Variants in LASP1 observed in about 807,000 individuals in gnomAD.
LASP1 encodes LIM and SH3 protein 1, also known as LIM and SH3 domain protein 1.
A neutral mutation model predicts 38.6 loss-of-function variants in LASP1; 10 were observed. That is an observed-to-expected ratio of 0.26 (90% confidence interval 0.16 to 0.44). The LOEUF (loss-of-function observed/expected upper bound fraction) is 0.44. Ranked by LOEUF, LASP1 falls within the 20% of genes least tolerant of loss-of-function variation. The pLI is 1.00. For missense variants in LASP1, 243 were observed against 375.7 expected, an observed-to-expected ratio of 0.65 and a Z score of 2.92; for synonymous variants, 132 against 140.8, an observed-to-expected ratio of 0.94 and a Z score of 0.44.
intron 3 of LASP1, among the ~76,000 whole-genome samples, chr17:38,895,608 G>C (rs932950305): frequency 1.3e-5 from 2 of 152,132 alleles, no homozygotes; most frequent in Non-Finnish European, 2.9e-5. Flanking sequence ...GAGCCACCGT[G>C]CCTGGCATAA....
Position 38,919,678 on chromosome 17 carries a change from G to C in LASP1, c.*900G>C, listed in dbSNP as rs1212376869. ...GGTCTTCAGCCTCCCTCAGCCCCCA[G>C]GATCTGGGTTAGGTGGCCGCTCCTC... On this transcript the variant is annotated 3_prime_UTR_variant, in exon 7 of 7. Coordinates refer to ENST00000318008, the MANE Select transcript of LASP1 (RefSeq NM_006148.4). 1.2e-5 allele frequency: 4 copies of C among 342,510 alleles called. No individual in the cohort carries two copies. Among genetic ancestry groups the C allele is most frequent in the African/African-American group, 2.0e-5 (1 of 49,626 alleles). The allele number at this position is 342,510 out of a possible 1,614,324, so 21.2% of individuals were successfully genotyped here. A position where few individuals can be genotyped will look rare whatever the true frequency, so the allele number is the denominator to read the frequency against.
intron 4 of LASP1, among the ~76,000 whole-genome samples, chr17:38,902,583 G>C (rs149724434): frequency 4.6e-4 from 70 of 152,206 alleles, no homozygotes; most frequent in Middle Eastern, 3.4e-3. Context: ...AGGGTGTTTA[G>C]AGCCACACCT....
chr17:38,918,829 T>C lies in LASP1; in HGVS notation c.*51T>C. 1 of 1,591,874 alleles carries C rather than the reference T, an allele frequency of 6.3e-7. No individual in the cohort carries two copies. The highest frequency in any genetic ancestry group is 8.6e-7 in the Non-Finnish European group (1 of 1,165,324). On this transcript the variant is annotated 3_prime_UTR_variant, in exon 7 of 7. Transcript: ENST00000318008. The surrounding 1 kb of genome is among the most constrained non-coding windows in gnomAD (Gnocchi z 4.4). ...AGCACATTCCACGGCATCGCATCCG[T>C]CCTGGGCGTGACCCGTCCATTCTTC...
At chr17:38,899,376 G>C (rs1417150860) in intron 4 of LASP1, among the ~76,000 whole-genome samples, 1 of 152,178 alleles carries the variant, frequency 6.6e-6, no homozygotes, top group Non-Finnish European at 1.5e-5. Context: ...GTTGCTCTGG[G>C]CTGAGGAACT....
At chr17:38,891,756 C>T (rs541392291) in intron 3 of LASP1, among the ~76,000 whole-genome samples, 2 of 152,332 alleles carry the variant, frequency 1.3e-5, no homozygotes, top group East Asian at 3.9e-4. Context: ...GAAACAGTCT[C>T]TACCTTAATA....
intron 1 of LASP1, among the ~76,000 whole-genome samples, chr17:38,872,223 C>G (rs1002509465): frequency 1.3e-5 from 2 of 152,172 alleles, no homozygotes; most frequent in Non-Finnish European, 2.9e-5. Context: ...ACTAAAGTCC[C>G]TGAGTGCTAA....
At chr17:38,900,713 A>G (rs372469774) in intron 4 of LASP1, among the ~76,000 whole-genome samples, 99 of 152,236 alleles carry the variant, frequency 6.5e-4, no homozygotes, top group African/African-American at 2.1e-3. Flanking sequence ...CTTACTGTGA[A>G]TGGGTTTTGC....
At chr17:38,874,976 G>T (rs544388855) in intron 1 of LASP1, among the ~76,000 whole-genome samples, 53 of 152,108 alleles carry the variant, frequency 3.5e-4, no homozygotes, top group Non-Finnish European at 6.5e-4. Context: ...TGGAGTAGGG[G>T]TCTCTCTCCC....
At position 38,920,419 on chromosome 17, in the gene LASP1, C is replaced by T. The variant is rs1339072651; in HGVS notation, c.*1641C>T. On this transcript the variant is annotated 3_prime_UTR_variant, in exon 7 of 7. Transcript: ENST00000318008. ...GACGGTGCTATATCCAGTTCCTGCT[C>T]TCTGCTCATGGGTGGCTGTGACAAC... 2 of 299,218 alleles carry T rather than the reference C, an allele frequency of 6.7e-6. No homozygotes were observed. Among genetic ancestry groups the T allele is most frequent in the African/African-American group, 4.1e-5 (2 of 48,636 alleles). 18.5% of individuals were successfully genotyped at this position (299,218 alleles called of 1,614,324 possible).
At chr17:38,914,677 GAC>G (rs10599326) in intron 5 of LASP1, among the ~76,000 whole-genome samples, 25,816 of 146,548 alleles carry the variant, frequency 0.18, 2,546 homozygotes, top group East Asian at 0.24. Flanking sequence ...GCGAGAGACA[GAC>G]ACACACACAC....
intron 4 of LASP1, 112 bp from the exon 5 acceptor site, chr17:38,914,213 C>A: frequency 7.7e-7 from 1 of 1,295,578 alleles, no homozygotes; most frequent in Non-Finnish European, 1.1e-6. Context: ...ACCTGGCTTT[C>A]TGTACCCAAA....
At chr17:38,870,657 G>A (rs1241435464) in intron 1 of LASP1, among the ~76,000 whole-genome samples, 1 of 151,968 alleles carries the variant, frequency 6.6e-6, no homozygotes, top group East Asian at 1.9e-4. Context: ...AGGCGGAAGC[G>A]CGGGGCGCTG....
In LASP1 at chr17:38,915,488, C is replaced by CCACATCCTTCAGCTCTCAGGCTGCCCCT. The variant is rs1915096164; in HGVS notation, c.612+343_612+370dup. The CCACATCCTTCAGCTCTCAGGCTGCCCCT allele has an allele frequency of 2.1e-5, 4 of 189,952 alleles. No individual in the cohort carries two copies. In the Admixed American group the frequency reaches 2.3e-4, roughly 11 times the overall value. The allele number at this position is 189,952 out of a possible 1,614,324, so 11.8% of individuals were successfully genotyped here. ...TCTCCTCGCTTCATGAGGATGGCCC[C>CCACATCCTTCAGCTCTCAGGCTGCCCCT]CACATCCTTCAGCTCTCAGGCTGCC... On this transcript the variant is annotated intron_variant, in intron 6 of 6. Coordinates refer to ENST00000318008, the MANE Select transcript of LASP1 (RefSeq NM_006148.4).
chr17:38,871,729 G>T (rs1033093692), intron 1 of LASP1, among the ~76,000 whole-genome samples: 1 of 152,070 alleles, frequency 6.6e-6, no homozygotes, highest in Non-Finnish European at 1.5e-5. Flanking sequence ...GGGGAGTGTG[G>T]GCATATGGGG....
At chr17:38,877,059 C>T (rs902362855) in intron 1 of LASP1, among the ~76,000 whole-genome samples, 1 of 152,188 alleles carries the variant, frequency 6.6e-6, no homozygotes, top group Non-Finnish European at 1.5e-5. Flanking sequence ...ACAGTGAAGC[C>T]CCTCTGCACC....
In LASP1 at chr17:38,898,827, G is replaced by A. The variant is rs146656928; in HGVS notation, c.357+308G>A. On this transcript the variant is annotated intron_variant, in intron 4 of 6. Coordinates refer to ENST00000318008, the MANE Select transcript of LASP1 (RefSeq NM_006148.4). ...TCTGGATATCGTGGGTATCGGTGAA[G>A]ACTGCATGTCTCATCTTAGCACAAA... is the stretch of plus-strand genomic sequence containing the variant. The A allele has an allele frequency of 9.8e-3, 4,669 of 476,934 alleles. 40 individuals carry two copies. Among genetic ancestry groups the A allele is most frequent in the Middle Eastern group, 0.011 (36 of 3,184 alleles). 29.5% of individuals were successfully genotyped at this position (476,934 alleles called of 1,614,324 possible). A position where few individuals can be genotyped will look rare whatever the true frequency, so the allele number is the denominator to read the frequency against.
chr17:38,902,480 T>C (rs1181936124), intron 4 of LASP1, among the ~76,000 whole-genome samples: 2 of 137,200 alleles, frequency 1.5e-5, no homozygotes, highest in Non-Finnish European at 3.0e-5. Context: ...GTTCTGGGAC[T>C]ACTACAGGCA....
intron 4 of LASP1, among the ~76,000 whole-genome samples, chr17:38,909,526 G>T (rs1007284834): frequency 1.3e-5 from 2 of 151,902 alleles, no homozygotes; most frequent in Non-Finnish European, 2.9e-5. Context: ...AGCATCACTT[G>T]AACCCGGGAG....
intron 2 of LASP1, among the ~76,000 whole-genome samples, chr17:38,885,880 C>T (rs1914109913): frequency 6.6e-6 from 1 of 152,192 alleles, no homozygotes; most frequent in Non-Finnish European, 1.5e-5. Flanking sequence ...TTCTTTGAAG[C>T]CCGGCATGCT....
Sources: allele counts gnomAD v4.1 joint callset (sites outside exome capture counted in the v4.1 genomes callset), GRCh38; gene constraint gnomAD v4.1.1; non-coding constraint Gnocchi (gnomAD v3.1); transcripts MANE v1.5; gene names NCBI Gene and HGNC (gene_info 2026-07-23, HGNC 2026-07-21).